C7: variants seen among roughly 807,000 people sequenced by gnomAD.
C7 encodes complement component C7.
C7 carries 83 observed loss-of-function variants against 104.8 expected under a neutral mutation model. The observed-to-expected ratio is 0.79, with a 90% CI of 0.66 to 0.95. The LOEUF (loss-of-function observed/expected upper bound fraction) is 0.95. C7 is among the 40% of genes least tolerant of loss of function. The probability of loss-of-function intolerance (pLI) is 0.00; values close to 1 mark genes in which losing one functional copy is unlikely to be tolerated. For missense variants in C7, 1,070 were observed against 1,011.2 expected (o/e 1.06, Z -0.79); for synonymous variants, 415 against 360.6 (o/e 1.15, Z -1.71).
chr5:40,968,557 TTATATATATTTTATATA>T (rs1489501047), intron 14 of C7, among the ~76,000 whole-genome samples: 1,501 of 109,998 alleles, frequency 0.014, 25 homozygotes, highest in Admixed American at 0.02. Context: ...CTTAAAACAA[TTATATATATTTTATATA>T]TATATATATA....
chr5:40,917,819 T>C (rs1345619800), intron 1 of C7, among the ~76,000 whole-genome samples: 1 of 152,166 alleles, frequency 6.6e-6, no homozygotes, highest in Non-Finnish European at 1.5e-5. Flanking sequence ...TGTAATAGTT[T>C]TCAAATCATT....
At chr5:40,919,044 G>C (rs1275651618) in intron 1 of C7, among the ~76,000 whole-genome samples, 2 of 149,778 alleles carry the variant, frequency 1.3e-5, no homozygotes, top group East Asian at 2.0e-4. Flanking sequence ...AGTGCACACA[G>C]AACTTTCTCC....
chr5:40,922,074 A>AAAAACG (rs1554041016), intron 1 of C7, among the ~76,000 whole-genome samples: 7,010 of 150,508 alleles, frequency 0.047, 207 homozygotes, highest in Non-Finnish European at 0.071. Flanking sequence ...AAACAAAAAC[A>AAAAACG]ACAACAAAAA....
In C7 at chr5:40,965,648, A is replaced by ATATAT. The variant is rs35802990; in HGVS notation, c.1882+776_1882+777insATATT. On this transcript the variant is annotated intron_variant, in intron 14 of 17. Transcript: ENST00000313164. ...TAGTGATATATATATATATATATATATTTTTTTTTTGGAGACAGAGTCTCA... is the reference window on the plus strand; with the variant it reads ...TAGTGATATATATATATATATATATATATATTTTTTTTTTTGGAGACAGAGTCTCA... Among the ~76,000 whole-genome samples, 216 of 130,304 alleles carry ATATAT rather than the reference A, an allele frequency of 1.7e-3. 3 individuals carry two copies. The highest frequency in any genetic ancestry group is 2.2e-3 in the Non-Finnish European group (139 of 64,436). The allele number at this position is 130,304 out of a possible 152,430, so 85.5% of individuals were successfully genotyped here.
chr5:40,959,512 C>G lies in C7; in HGVS notation c.1553C>G (p.Thr518Arg). Reference protein sequence around the residue: ...SWSPCVQGKKTRSRECNNPPP... With the variant: ...SWSPCVQGKKRRSRECNNPPP... ...AGCCCCTGTGTCCAAGGGAAGAAAA[C>G]AAGAAGCCGTGAATGCAATAACCCA... The change falls in exon 12 of 18, where the codon ACA becomes AGA. Residue 518 changes from threonine (T) to arginine (R), a missense_variant. By Grantham distance (71) the Thr-to-Arg change is moderately conservative. Transcript: ENST00000313164. The G allele has an allele frequency of 6.2e-7, 1 of 1,611,526 alleles. No homozygotes were observed. The highest frequency in any genetic ancestry group is 8.5e-7 in the Non-Finnish European group (1 of 1,179,268).
chr5:40,979,076 C>T (rs886223350), intron 16 of C7, among the ~76,000 whole-genome samples: 2 of 151,726 alleles, frequency 1.3e-5, no homozygotes, highest in South Asian at 2.1e-4. Context: ...GATGGGGTTT[C>T]GCCATGTTAG....
At chr5:40,978,709 A>G (rs923907256) in intron 16 of C7, among the ~76,000 whole-genome samples, 2 of 152,132 alleles carry the variant, frequency 1.3e-5, no homozygotes, top group Non-Finnish European at 2.9e-5. Flanking sequence ...TCCATCTGGT[A>G]TACAAAAATG....
At chr5:40,941,145 C>T (rs1477216184) in intron 6 of C7, among the ~76,000 whole-genome samples, 1 of 150,374 alleles carries the variant, frequency 6.7e-6, no homozygotes, top group Non-Finnish European at 1.5e-5. Context: ...CTCACTGCAA[C>T]CTCTGCCTCC....
rs1048387028 is a variant in C7 at position 40,934,355 on chromosome 5, C to A, written c.169C>A (p.Gln57Lys). 4 of 1,613,056 alleles carry A rather than the reference C, an allele frequency of 2.5e-6. No individual in the cohort carries two copies. The highest frequency in any genetic ancestry group is 2.2e-5 in the East Asian group (1 of 44,876). Residue 57 changes from glutamine (Q) to lysine (K), a missense_variant, in exon 4 of 18, where the codon CAG (glutamine) becomes AAG (lysine). Coordinates refer to ENST00000313164, the MANE Select transcript of C7 (RefSeq NM_000587.4). ...TRRRSVAVYG[Q>K]YGGQPCVGNA... ...CAGGCGGTCAGTTGCTGTGTATGGG[C>A]AGTATGGAGGCCAGCCTTGTGTTGG... is the stretch of plus-strand genomic sequence containing the variant.
rs1244593692 is a variant in C7 at position 40,947,786 on chromosome 5, C to T, written c.923C>T (p.Ser308Leu). 2 of 1,612,844 alleles carry T rather than the reference C, an allele frequency of 1.2e-6. No individual in the cohort carries two copies. The highest frequency in any genetic ancestry group is 1.1e-5 in the South Asian group (1 of 90,994). The change falls in exon 8 of 18, where the codon TCG becomes TTG. Residue 308 changes from serine (S) to leucine (L), a missense_variant. Coordinates refer to ENST00000313164, the MANE Select transcript of C7 (RefSeq NM_000587.4). ...GGGACACATTATCTGCAATCTGGGT[C>T]GTTAGGAGGAGAATACAGAGTTCTA... ...QYGTHYLQSG[S>L]LGGEYRVLFY... is the part of the protein sequence containing the mutation.
chr5:40,970,090 T>C (rs1740660765), intron 14 of C7, among the ~76,000 whole-genome samples: 1 of 152,128 alleles, frequency 6.6e-6, no homozygotes, highest in Non-Finnish European at 1.5e-5. Context: ...ACAACATATT[T>C]GGCAAAATAT....
At chr5:40,950,081 G>C in intron 9 of C7, 67 bp downstream of exon 9, 1 of 897,418 alleles carries the variant, frequency 1.1e-6, no homozygotes, top group Non-Finnish European at 1.7e-6. Flanking sequence ...TAAGTTCAAG[G>C]GTACGCGTGA....
intron 8 of C7, among the ~76,000 whole-genome samples, chr5:40,948,950 AT>A (rs1373790378): frequency 6.6e-6 from 1 of 152,130 alleles, no homozygotes; most frequent in Non-Finnish European, 1.5e-5. Flanking sequence ...ACTACATAAA[AT>A]TTAACTAGAA....
Position 40,964,020 on chromosome 5 carries a change from C to CTTTTTTTT in C7, c.1750-697_1750-690dup, listed in dbSNP as rs869250524. On this transcript the variant is annotated intron_variant, in intron 13 of 17. Transcript: ENST00000313164. ...TATTGTCAATGAACAGCTCATAATA[C>CTTTTTTTT]TTTTTTTTTTTTTTTTTTTTTTTTT... 2.2e-3 allele frequency among the ~76,000 whole-genome samples: 89 copies of CTTTTTTTT among 39,884 alleles called. 14 individuals carry two copies. The highest frequency in any genetic ancestry group is 3.8e-3 in the Non-Finnish European group (65 of 17,036). The allele number at this position is 39,884 out of a possible 152,430, so 26.2% of individuals were successfully genotyped here.
Position 40,941,639 on chromosome 5 carries a change from G to T in C7, c.568-3559G>T, listed in dbSNP as rs115162853. 9.7e-3 allele frequency among the ~76,000 whole-genome samples: 1,470 copies of T among 152,236 alleles called. 25 individuals carry two copies. The highest frequency in any genetic ancestry group is 0.034 in the African/African-American group (1,418 of 41,550). On this transcript the variant is annotated intron_variant, in intron 6 of 17. Coordinates refer to ENST00000313164, the MANE Select transcript of C7 (RefSeq NM_000587.4). The stretch of plus-strand genomic sequence containing the variant: ...TTGTAATAATCCCTGAGAGACATAA[G>T]AGCGGCCTGAGAAAACTTGGTGAGC...
At chr5:40,958,300 T>C (rs1256806006) in intron 11 of C7, 39 bp downstream of exon 11, 2 of 1,293,158 alleles carry the variant, frequency 1.5e-6, no homozygotes, top group Non-Finnish European at 2.1e-6. Flanking sequence ...CCTGTACACA[T>C]TGAAAGGGAA....
At chr5:40,970,666 G>T (rs1438346319) in intron 14 of C7, among the ~76,000 whole-genome samples, 8 of 151,996 alleles carry the variant, frequency 5.3e-5, no homozygotes, top group Non-Finnish European at 1.5e-5. Flanking sequence ...AGGTATATAT[G>T]TGCTATGGTA....
chr5:40,922,812 A>G (rs1213362744), intron 1 of C7, among the ~76,000 whole-genome samples: 1 of 152,214 alleles, frequency 6.6e-6, no homozygotes, highest in Non-Finnish European at 1.5e-5. Flanking sequence ...ATCTTCTGCC[A>G]TATACAAAAA....
chr5:40,980,049 C>A, intron 17 of C7, 140 bp downstream of exon 17: 1 of 638,586 alleles, frequency 1.6e-6, no homozygotes, highest in Non-Finnish European at 2.5e-6. Context: ...TTGACATGCA[C>A]TGACCTCTCC....
Sources: gnomAD v4.1 joint callset for allele counts (sites outside exome capture counted in the v4.1 genomes callset) on GRCh38, gnomAD v4.1.1 for gene constraint, MANE v1.5 for transcripts, NCBI Gene and HGNC (gene_info 2026-07-23, HGNC 2026-07-21) for gene names.